The following DLG1 variants were observed in gnomAD, a reference collection of about 807,000 sequenced individuals.
The protein encoded by DLG1 is discs large MAGUK scaffold protein 1.
A neutral mutation model predicts 123.4 loss-of-function variants in DLG1; 42 were observed. That is an observed-to-expected ratio of 0.34 (90% CI 0.27 to 0.44). The LOEUF is 0.44. Ranked by LOEUF, DLG1 falls within the 20% of genes least tolerant of loss-of-function variation. The pLI, the probability that DLG1 is intolerant of heterozygous loss-of-function variation, is 1.00. For synonymous variants in DLG1, 317 were observed against 356.2 expected, an observed-to-expected ratio of 0.89 and a Z score of 1.24; for missense variants, 942 against 1,082.6, an observed-to-expected ratio of 0.87 and a Z score of 1.82.
rs1720936115 is a variant in DLG1 at position 197,042,660 on chromosome 3, T to C, written c.*1963A>G. Reference sequence around the variant, plus strand: ...TGACTATTTGGTAAATACTTCAAAATAGCTTATGCTGCGGTCTTGTAAGGC... The same window carrying C: ...TGACTATTTGGTAAATACTTCAAAACAGCTTATGCTGCGGTCTTGTAAGGC... On this transcript the variant is annotated 3_prime_UTR_variant, in exon 25 of 25. Coordinates refer to ENST00000667157, the MANE Select transcript of DLG1 (RefSeq NM_001366207.1). 6.6e-6 allele frequency: 1 copy of C among 152,212 alleles called. No individual in the cohort carries two copies. The highest frequency in any genetic ancestry group is 6.5e-5 in the Admixed American group (1 of 15,278). 9.4% of individuals were successfully genotyped at this position (152,212 alleles called of 1,614,324 possible). A position where few individuals can be genotyped will look rare whatever the true frequency, so the allele number is the denominator to read the frequency against.
intron 4 of DLG1, among the ~76,000 whole-genome samples, chr3:197,269,155 A>C (rs1762918348): frequency 6.6e-6 from 1 of 151,910 alleles, no homozygotes; most frequent in African/African-American, 2.4e-5. Flanking sequence ...TAGTAACATA[A>C]TTGTTAATAT....
intron 4 of DLG1, among the ~76,000 whole-genome samples, chr3:197,263,712 A>G (rs1760519054): frequency 1.3e-5 from 2 of 150,898 alleles, no homozygotes. Flanking sequence ...ACTTGAACAC[A>G]GGAGGTGGAC....
At chr3:197,260,725 G>A (rs1482075938) in intron 4 of DLG1, among the ~76,000 whole-genome samples, 2 of 105,508 alleles carry the variant, frequency 1.9e-5, no homozygotes, top group Non-Finnish European at 3.4e-5. Flanking sequence ...GTTAGCTACA[G>A]TTTGGATACT....
chr3:197,183,846 T>C, intron 5 of DLG1: 2 of 1,538,286 alleles, frequency 1.3e-6, no homozygotes, highest in Non-Finnish European at 1.8e-6. Context: ...GCAGGCTTAC[T>C]TCTCTACCAG....
chr3:197,166,416 G>A (rs1347914525), intron 5 of DLG1, among the ~76,000 whole-genome samples: 2 of 151,930 alleles, frequency 1.3e-5, no homozygotes. Context: ...TGGAGGTATT[G>A]GTATAAACAG....
chr3:197,177,003 A>C lies in DLG1; in HGVS notation c.483+17422T>G, dbSNP rs1282161035. Among the ~76,000 whole-genome samples the C allele has an allele frequency of 2.6e-5, 4 of 151,526 alleles. No homozygotes were observed. The East Asian group carries it at 7.7e-4, about 29-fold the overall frequency. ...TTTTTTATTTATTTTTATTTATTGTACAAATGATAAAAATGTGTTGAAACA... is the reference window on the plus strand; with the variant it reads ...TTTTTTATTTATTTTTATTTATTGTCCAAATGATAAAAATGTGTTGAAACA... On this transcript the variant is annotated intron_variant, in intron 5 of 24. Transcript: ENST00000667157.
chr3:197,145,701 C>T (rs1467448349), intron 6 of DLG1, among the ~76,000 whole-genome samples: 4 of 152,076 alleles, frequency 2.6e-5, no homozygotes, highest in Non-Finnish European at 5.9e-5. Flanking sequence ...GGTAGGTGCT[C>T]AGTAAATATT....
intron 4 of DLG1, among the ~76,000 whole-genome samples, chr3:197,260,097 T>C (rs1200164088): frequency 6.6e-6 from 1 of 152,168 alleles, no homozygotes; most frequent in Non-Finnish European, 1.5e-5. Context: ...CATTTCAAAA[T>C]ACCGCCCTTT....
rs1305828377 is a variant in DLG1, at chr3:197,077,735, T to TA, written c.1906-1051dup. Among the ~76,000 whole-genome samples the TA allele has an allele frequency of 2.0e-5, 3 of 152,200 alleles. No homozygotes were observed. The East Asian group carries it at 5.8e-4, about 29-fold the overall frequency. ...GTGCATTCATAGATTTAAGAGCATG[T>TA]AGCACAAGAACGATGAGGCTATTAA... On this transcript the variant is annotated intron_variant, in intron 17 of 24. Transcript: ENST00000667157.
intron 14 of DLG1, among the ~76,000 whole-genome samples, chr3:197,095,128 T>A (rs960679549): frequency 6.6e-6 from 1 of 152,188 alleles, no homozygotes; most frequent in Non-Finnish European, 1.5e-5. Context: ...TAATTTTTTT[T>A]AAAGACTAGA....
At chr3:197,065,865 T>C (rs1739165912) in intron 20 of DLG1, 56 bp from the exon 21 acceptor site, 3 of 1,171,126 alleles carry the variant, frequency 2.6e-6, no homozygotes, top group African/African-American at 1.5e-5. Flanking sequence ...TATCAATGTA[T>C]TTTATTTCAC....
intron 5 of DLG1, among the ~76,000 whole-genome samples, chr3:197,186,475 CAG>C (rs1716086649): frequency 6.6e-6 from 1 of 152,020 alleles, no homozygotes; most frequent in Admixed American, 6.6e-5. Context: ...TTTTCTTTTT[CAG>C]AGTGATAATA....
chr3:197,135,329 G>A (rs1375034184), intron 10 of DLG1, among the ~76,000 whole-genome samples: 2 of 152,190 alleles, frequency 1.3e-5, no homozygotes, highest in African/African-American at 4.8e-5. Context: ...ATTAGATCAC[G>A]GAGGTGGCTC....
chr3:197,244,936 T>C (rs1430613104), intron 4 of DLG1, among the ~76,000 whole-genome samples: 1 of 152,144 alleles, frequency 6.6e-6, no homozygotes, highest in Non-Finnish European at 1.5e-5. Context: ...GACTTTTAGT[T>C]TCAAACGTAG....
chr3:197,261,219 C>T (rs573061473), intron 4 of DLG1, among the ~76,000 whole-genome samples: 3 of 152,322 alleles, frequency 2.0e-5, no homozygotes, highest in South Asian at 4.1e-4. Flanking sequence ...GGGGACATGG[C>T]AGAGGGATAT....
In DLG1 at chr3:197,214,481, G is replaced by T. The variant is rs566005200; in HGVS notation, c.319-19892C>A. Among the ~76,000 whole-genome samples the T allele has an allele frequency of 1.2e-4, 18 of 152,220 alleles. No homozygotes were observed. The South Asian group carries it at 3.7e-3, about 32-fold the overall frequency. ...CCAGCTACTCGGGAGGCTGAGGCAGGAGAATGGCGTGAACCCAGGAGGCGG... is the reference window on the plus strand; with the variant it reads ...CCAGCTACTCGGGAGGCTGAGGCAGTAGAATGGCGTGAACCCAGGAGGCGG... On this transcript the variant is annotated intron_variant, in intron 4 of 24. Transcript: ENST00000667157.
chr3:197,297,289 T>C, intron 1 of DLG1, 54 bp from the exon 2 acceptor site: 3 of 1,598,660 alleles, frequency 1.9e-6, no homozygotes, highest in Non-Finnish European at 2.6e-6. Flanking sequence ...AAACTAGCAT[T>C]TTCCCCTATC....
intron 4 of DLG1, among the ~76,000 whole-genome samples, chr3:197,260,750 C>CAAAAAAAAAAAAAAAAAAAAAA (rs570596943): frequency 5.5e-5 from 1 of 18,316 alleles, no homozygotes; most frequent in African/African-American, 2.1e-4. Context: ...TGACAACCAC[C>CAAAAAAAAAAAAAAAAAAAAAA]AAAAAAAAAA....
At position 197,134,938 on chromosome 3, in the gene DLG1, A is replaced by G. The variant is rs115312947; in HGVS notation, c.1020+1604T>C. Among the ~76,000 whole-genome samples, 1,487 of 152,342 alleles carry G rather than the reference A, an allele frequency of 9.8e-3. 18 individuals carry two copies. The highest frequency in any genetic ancestry group is 0.023 in the African/African-American group (966 of 41,586). On this transcript the variant is annotated intron_variant, in intron 10 of 24. Coordinates refer to ENST00000667157, the MANE Select transcript of DLG1 (RefSeq NM_001366207.1). ...CAGGAGAATAAAAGGGCCAGCAGAT[A>G]AACCTTTCTTTCTTTTCTCTGGATG...
Sources: allele counts gnomAD v4.1 joint callset (sites outside exome capture counted in the v4.1 genomes callset), GRCh38; gene constraint gnomAD v4.1.1; transcripts MANE v1.5; gene names NCBI Gene and HGNC (gene_info 2026-07-23, HGNC 2026-07-21).